FMN2: variants seen among roughly 807,000 people sequenced by gnomAD.
FMN2 encodes the protein formin-2.
Under a neutral mutation model 142.3 loss-of-function variants are expected in FMN2, and 51 were observed. The ratio of observed to expected loss-of-function variants is 0.36; its 90% CI spans 0.29 to 0.45. The LOEUF (loss-of-function observed/expected upper bound fraction) is 0.45. Ranked by LOEUF, FMN2 falls within the 20% of genes least tolerant of loss-of-function variation. The pLI, the probability that FMN2 is intolerant of heterozygous loss-of-function variation, is 1.00. For synonymous variants in FMN2, 882 were observed against 869.8 expected (o/e 1.01, Z -0.25); for missense variants, 1,936 against 2,122.8 (o/e 0.91, Z 1.73).
At chr1:240,203,850 C>T (rs1013831081) in intron 4 of FMN2, among the ~76,000 whole-genome samples, 3 of 152,102 alleles carry the variant, frequency 2.0e-5, no homozygotes, top group African/African-American at 7.2e-5. Context: ...TTTTTTTTCC[C>T]ACTATGGGCT....
intron 2 of FMN2, among the ~76,000 whole-genome samples, chr1:240,163,719 G>A (rs1295534224): frequency 6.6e-6 from 1 of 151,842 alleles, no homozygotes; most frequent in Non-Finnish European, 1.5e-5. Context: ...TGGATTTAAA[G>A]TACTATTTTA....
intron 1 of FMN2, among the ~76,000 whole-genome samples, chr1:240,103,717 C>T (rs182185710): frequency 6.6e-6 from 1 of 152,232 alleles, no homozygotes; most frequent in East Asian, 1.9e-4. Flanking sequence ...CCACAACCTG[C>T]GTTTCTCCAC....
At chr1:240,336,186 A>G (rs1357048961) in intron 13 of FMN2, among the ~76,000 whole-genome samples, 2 of 152,078 alleles carry the variant, frequency 1.3e-5, no homozygotes, top group Non-Finnish European at 2.9e-5. Flanking sequence ...AAAGAAAAAG[A>G]CAAGCAGCCA....
rs73126246 is a variant in FMN2, at chr1:240,351,407, A to G, written c.4766-4409A>G. Among the ~76,000 whole-genome samples the G allele has an allele frequency of 9.9e-3, 1,511 of 152,270 alleles. 26 individuals carry two copies. Among genetic ancestry groups the G allele is most frequent in the African/African-American group, 0.034 (1,396 of 41,550 alleles). ...TGACCTTCTAGAAGGAGGACTGTAG[A>G]TGAGGTGAGGCTGCCAGTAAATGAC... On this transcript the variant is annotated intron_variant, in intron 13 of 17. Coordinates refer to ENST00000319653, the MANE Select transcript of FMN2 (RefSeq NM_020066.5).
intron 7 of FMN2, chr1:240,285,404 G>A: frequency 2.4e-6 from 1 of 414,982 alleles, no homozygotes; most frequent in South Asian, 1.8e-5. Context: ...TGAGAAGGCT[G>A]TTGGTTCTAT....
intron 15 of FMN2, among the ~76,000 whole-genome samples, chr1:240,436,847 G>A (rs534846281): frequency 6.6e-6 from 1 of 152,220 alleles, no homozygotes; most frequent in African/African-American, 2.4e-5. Flanking sequence ...AAATCAAGTT[G>A]CCTTTGATAT....
intron 7 of FMN2, among the ~76,000 whole-genome samples, chr1:240,288,247 C>T (rs373051842): frequency 1.3e-5 from 2 of 152,232 alleles, no homozygotes; most frequent in East Asian, 1.9e-4. Flanking sequence ...TTGTCTCACA[C>T]GTCTCTGTAT....
rs545322550 is a variant in FMN2, at chr1:240,302,773, G to C, written c.4215+7890G>C. 2.5e-3 allele frequency among the ~76,000 whole-genome samples: 377 copies of C among 152,086 alleles called. 1 individual carries two copies. Among genetic ancestry groups the C allele is most frequent in the African/African-American group, 8.2e-3 (342 of 41,524 alleles). ...TGGGTCCAACACTTGGGTCTAGTCA[G>C]ATTTGCCTGATATCTAAGTATAACT... On this transcript the variant is annotated intron_variant, in intron 8 of 17. Transcript: ENST00000319653.
At chr1:240,472,225 A>C in intron 16 of FMN2, 147 bp from the exon 17 acceptor site, 1 of 618,068 alleles carries the variant, frequency 1.6e-6, no homozygotes, top group South Asian at 2.0e-5. Flanking sequence ...TTTCAATTCA[A>C]ATGTCAGATA....
chr1:240,126,451 C>A (rs1662514969), intron 2 of FMN2, among the ~76,000 whole-genome samples: 2 of 150,252 alleles, frequency 1.3e-5, no homozygotes, highest in South Asian at 4.2e-4. Flanking sequence ...CTTATGTATG[C>A]AATTACAGCA....
intron 1 of FMN2, among the ~76,000 whole-genome samples, chr1:240,113,938 A>T (rs1472965363): frequency 6.6e-6 from 1 of 152,124 alleles, no homozygotes. Flanking sequence ...TTTTCACATG[A>T]TTTTTGTGTC....
intron 4 of FMN2, among the ~76,000 whole-genome samples, chr1:240,192,557 G>A (rs1326187530): frequency 1.3e-5 from 2 of 152,080 alleles, no homozygotes; most frequent in Non-Finnish European, 1.5e-5. Context: ...CTAAAATAAG[G>A]CGGAGTAAGA....
At chr1:240,366,599 G>A (rs1380038838) in intron 14 of FMN2, among the ~76,000 whole-genome samples, 1 of 150,672 alleles carries the variant, frequency 6.6e-6, no homozygotes, top group African/African-American at 2.5e-5. Context: ...GAGTACAATG[G>A]CACGATCTCG....
At chr1:240,144,762 A>C (rs2103259602) in intron 2 of FMN2, 1 of 1,344,148 alleles carries the variant, frequency 7.4e-7, no homozygotes, top group East Asian at 2.3e-5. Context: ...ATAAGGTCAC[A>C]GGCCTCATGC....
intron 3 of FMN2, among the ~76,000 whole-genome samples, chr1:240,181,465 C>T (rs545836031): frequency 2.6e-5 from 4 of 152,154 alleles, no homozygotes; most frequent in Non-Finnish European, 5.9e-5. Flanking sequence ...TGGTGTTTTC[C>T]TCCTTTATGG....
intron 2 of FMN2, among the ~76,000 whole-genome samples, chr1:240,147,310 A>G (rs866479834): frequency 1.3e-5 from 2 of 152,092 alleles, no homozygotes; most frequent in Middle Eastern, 6.8e-3. Context: ...ACGAAGGCTG[A>G]CTCTACATCT....
intron 16 of FMN2, among the ~76,000 whole-genome samples, chr1:240,453,251 T>C (rs1032826840): frequency 2.0e-5 from 3 of 152,186 alleles, no homozygotes; most frequent in Admixed American, 6.6e-5. Flanking sequence ...TAGCACTAAA[T>C]AAATTCATAG....
chr1:240,474,036 A>C, intron 17 of FMN2, 92 bp from the exon 18 acceptor site: 1 of 1,131,732 alleles, frequency 8.8e-7, no homozygotes. Flanking sequence ...ATTTGATCCA[A>C]ATGAAAAGGT....
intron 13 of FMN2, among the ~76,000 whole-genome samples, chr1:240,339,593 A>G (rs1039312114): frequency 6.6e-6 from 1 of 152,136 alleles, no homozygotes; most frequent in Non-Finnish European, 1.5e-5. Flanking sequence ...TTTAAGTTAT[A>G]TTTTAAAATT....
Sources: allele counts gnomAD v4.1 joint callset (sites outside exome capture counted in the v4.1 genomes callset), GRCh38; gene constraint gnomAD v4.1.1; transcripts MANE v1.5; gene names NCBI Gene and HGNC (gene_info 2026-07-23, HGNC 2026-07-21).